Variants in UVSSA observed in about 807,000 individuals in gnomAD.
The protein encoded by UVSSA is UV stimulated scaffold protein A, also known as UV-stimulated scaffold protein A.
Under a neutral mutation model 73.9 loss-of-function variants are expected in UVSSA, and 72 were observed. That is an observed-to-expected ratio of 0.97 (90% CI 0.81 to 1.19). The LOEUF (loss-of-function observed/expected upper bound fraction) is 1.19, where lower values mean the gene tolerates loss of function less well. UVSSA is among the 50% of genes most tolerant of loss of function. The pLI, the probability that UVSSA is intolerant of heterozygous loss-of-function variation, is 0.00. For missense variants in UVSSA, 1,150 were observed against 965.0 expected, an observed-to-expected ratio of 1.19 and a Z score of -2.54; for synonymous variants, 454 against 391.3, an observed-to-expected ratio of 1.16 and a Z score of -1.89.
intron 6 of UVSSA, 66 bp from the exon 7 acceptor site, chr4:1,355,051 C>G: frequency 6.3e-7 from 1 of 1,589,312 alleles, no homozygotes; most frequent in South Asian, 1.1e-5. Flanking sequence ...CATGTGCCTC[C>G]CAGCAGGACA....
At chr4:1,378,955 A>T (rs1719101385) in intron 10 of UVSSA, among the ~76,000 whole-genome samples, 1 of 152,220 alleles carries the variant, frequency 6.6e-6, no homozygotes, top group Non-Finnish European at 1.5e-5. Flanking sequence ...GCCTCATCCC[A>T]GACCAAGGTG....
In UVSSA at chr4:1,355,157, G is replaced by T; in HGVS notation, c.1088G>T (p.Arg363Leu). The change falls in exon 7 of 14, where the codon CGT (arginine) becomes CTT (leucine). Residue 363 changes from arginine to leucine, a missense_variant. Physicochemically the swap from Arg to Leu is moderately radical, Grantham distance 102. Coordinates refer to ENST00000389851, the MANE Select transcript of UVSSA (RefSeq NM_020894.4). ...GGGACCCACGGTGGATGTTTAAAGC[G>T]TGCCATTGACCTGAAGGCTGAATTG... is the stretch of plus-strand genomic sequence containing the variant. ...RVGTHGGCLK[R>L]AIDLKAELEL... 6.2e-7 allele frequency: 1 copy of T among 1,613,886 alleles called. No homozygotes were observed. The highest frequency in any genetic ancestry group is 8.5e-7 in the Non-Finnish European group (1 of 1,179,916).
chr4:1,368,865 T>C (rs981693032), intron 8 of UVSSA, among the ~76,000 whole-genome samples: 3 of 152,240 alleles, frequency 2.0e-5, no homozygotes, highest in African/African-American at 7.2e-5. Context: ...GCTGGTTCTT[T>C]CGCTGCAGCC....
rs752913789 is a variant in UVSSA, at chr4:1,375,482, C to T, written c.1407C>T (p.Asp469=). 5.0e-6 allele frequency: 8 copies of T among 1,611,466 alleles called. No homozygotes were observed. The highest frequency in any genetic ancestry group is 6.8e-6 in the Non-Finnish European group (8 of 1,179,864). The change falls in exon 9 of 14, where the codon GAC becomes GAT. Residue 469 remains aspartate, a synonymous_variant. Coordinates refer to ENST00000389851, the MANE Select transcript of UVSSA (RefSeq NM_020894.4). ...SAAAQLRQLR[D]HLPPPSSASP... ...CTGCTCAGCTGCGGCAGCTCCGGGA[C>T]CACTTGCCTCCACCCTCATCTGCCA...
chr4:1,369,317 A>G (rs1717734608), intron 8 of UVSSA, among the ~76,000 whole-genome samples: 1 of 152,180 alleles, frequency 6.6e-6, no homozygotes, highest in Non-Finnish European at 1.5e-5. Flanking sequence ...TGGGGTGCGC[A>G]GGGAGGACCC....
Position 1,353,368 on chromosome 4 carries a change from G to T in UVSSA, c.889G>T (p.Gly297Trp). 6.2e-7 allele frequency: 1 copy of T among 1,604,834 alleles called. No homozygotes were observed. Among genetic ancestry groups the T allele is most frequent in the Non-Finnish European group, 8.5e-7 (1 of 1,176,292 alleles). The change falls in exon 5 of 14, where the codon GGG (glycine) becomes TGG (tryptophan). Residue 297 changes from glycine to tryptophan, a missense_variant. Gly to Trp is a radical substitution (Grantham distance 184). Transcript: ENST00000389851. ...CCTCGAGGAGTTTGTGCGGAGCCAC[G>T]GGCTGGGCTCGCACAAGTACACGCT... is the stretch of plus-strand genomic sequence containing the variant. ...SDLEEFVRSH[G>W]LGSHKYTLDV...
At chr4:1,343,650 G>C (rs74941508), upstream of UVSSA, among the ~76,000 whole-genome samples, 6,112 of 152,250 alleles carry the variant, frequency 0.04, 224 homozygotes, top group East Asian at 0.2. Flanking sequence ...AGCCAGGCGT[G>C]GTGGCACGTG....
intron 8 of UVSSA, among the ~76,000 whole-genome samples, chr4:1,367,833 T>A (rs1425434894): frequency 6.6e-6 from 1 of 150,942 alleles, no homozygotes; most frequent in Admixed American, 6.6e-5. Context: ...TGTGCCCTCA[T>A]CGGGCTTCCC....
At chr4:1,379,016 C>T (rs569299630) in intron 10 of UVSSA, among the ~76,000 whole-genome samples, 2 of 150,844 alleles carry the variant, frequency 1.3e-5, no homozygotes, top group African/African-American at 2.4e-5. Flanking sequence ...ACTGCTGGTC[C>T]CTTCTCCCTA....
At chr4:1,357,646 A>C (rs1262762434) in intron 7 of UVSSA, among the ~76,000 whole-genome samples, 1 of 152,084 alleles carries the variant, frequency 6.6e-6, no homozygotes, top group African/African-American at 2.4e-5. Flanking sequence ...TCTCCACCTC[A>C]CCCTGGTGGA....
chr4:1,367,224 G>A (rs937531870), intron 8 of UVSSA, among the ~76,000 whole-genome samples: 1 of 152,146 alleles, frequency 6.6e-6, no homozygotes, highest in East Asian at 1.9e-4. Context: ...TCCCAAAACT[G>A]CGTTCCAGTG....
chr4:1,379,626 G>GCCCTGGGC (rs1719200927), intron 10 of UVSSA, among the ~76,000 whole-genome samples: 1 of 152,198 alleles, frequency 6.6e-6, no homozygotes, highest in Admixed American at 6.5e-5. Context: ...GCAGTGGAAG[G>GCCCTGGGC]ACGACCTTCA....
chr4:1,380,925 C>T lies in UVSSA; in HGVS notation c.1798C>T (p.Pro600Ser), dbSNP rs750382860. The T allele has an allele frequency of 6.2e-7, 1 of 1,613,048 alleles. No homozygotes were observed. Among genetic ancestry groups the T allele is most frequent in the Admixed American group, 1.7e-5 (1 of 60,016 alleles). The change falls in exon 12 of 14, where the codon CCG becomes TCG. Residue 600 changes from proline to serine, a missense_variant. Physicochemically the swap from Pro to Ser is moderately conservative, Grantham distance 74. Transcript: ENST00000389851. Reference sequence around the variant, plus strand: ...TGTTCCACGGGACGACGAAGGACGGCCGCTCGACCCGGAAGACAGGGCTCG... The same window carrying T: ...TGTTCCACGGGACGACGAAGGACGGTCGCTCGACCCGGAAGACAGGGCTCG... ...KIVPRDDEGR[P>S]LDPEDRAREQ...
chr4:1,376,460 C>T (rs920214255), intron 10 of UVSSA, among the ~76,000 whole-genome samples: 9 of 152,190 alleles, frequency 5.9e-5, no homozygotes, highest in Non-Finnish European at 1.3e-4. Flanking sequence ...AACCACTCCC[C>T]TAAAGGCGGC....
exon 14 of UVSSA, chr4:1,395,760 G>T: frequency 6.2e-7 from 1 of 1,614,178 alleles, no homozygotes; most frequent in Non-Finnish European, 8.5e-7. Context: ...CGAGTCAGAC[G>T]CTGTTACCGT....
At chr4:1,350,693 G>A (rs912598715) in intron 3 of UVSSA, among the ~76,000 whole-genome samples, 2 of 151,852 alleles carry the variant, frequency 1.3e-5, no homozygotes, top group Non-Finnish European at 2.9e-5. Flanking sequence ...GACTCTGGAA[G>A]CCGAGGCTGG....
intron 11 of UVSSA, 123 bp downstream of exon 11, chr4:1,380,353 TGGAAG>T: frequency 7.9e-7 from 1 of 1,260,524 alleles, no homozygotes; most frequent in Non-Finnish European, 1.1e-6. Flanking sequence ...GAGAAGCCCA[TGGAAG>T]GGGCTTATCC....
At chr4:1,394,393 T>G in exon 14 of UVSSA, 1 of 1,498,720 alleles carries the variant, frequency 6.7e-7, no homozygotes, top group Non-Finnish European at 9.1e-7. Context: ...CTAGTACTTT[T>G]ATGGGTTTCA....
At chr4:1,369,159 G>A (rs1368299572) in intron 8 of UVSSA, among the ~76,000 whole-genome samples, 2 of 152,270 alleles carry the variant, frequency 1.3e-5, no homozygotes, top group Non-Finnish European at 2.9e-5. Flanking sequence ...TGAAGGTGCC[G>A]ATGTGCCCTG....
Sources: allele counts gnomAD v4.1 joint callset (sites outside exome capture counted in the v4.1 genomes callset), GRCh38; gene constraint gnomAD v4.1.1; transcripts MANE v1.5; gene names NCBI Gene and HGNC (gene_info 2026-07-23, HGNC 2026-07-21).